The following DENND5B variants were observed in gnomAD, a reference collection of about 807,000 sequenced individuals.
DENND5B encodes DENN domain-containing protein 5B.
Under a neutral mutation model 140.6 loss-of-function variants are expected in DENND5B, and 34 were observed. The ratio of observed to expected loss-of-function variants is 0.24; its 90% CI spans 0.18 to 0.32. The LOEUF is 0.32. Among genes scored for constraint, DENND5B ranks in the 10% least tolerant of loss-of-function variants. The pLI is 1.00. For missense variants in DENND5B, 1,142 were observed against 1,560.2 expected (o/e 0.73, Z 4.52); for synonymous variants, 551 against 562.1 (o/e 0.98, Z 0.28).
intron 7 of DENND5B, among the ~76,000 whole-genome samples, chr12:31,433,821 C>A (rs568808452): frequency 2.3e-4 from 33 of 140,610 alleles, no homozygotes; most frequent in Middle Eastern, 7.0e-3. Flanking sequence ...TAGTTCGAGA[C>A]CAGCCTAGGC....
At position 31,590,972 on chromosome 12, in the gene DENND5B, T is replaced by C. The variant is rs1366363704; in HGVS notation, c.-140A>G. 2.1e-6 allele frequency: 2 copies of C among 939,706 alleles called. No homozygotes were observed. Among genetic ancestry groups the C allele is most frequent in the African/African-American group, 3.6e-5 (2 of 56,174 alleles). The allele number at this position is 939,706 out of a possible 1,614,324, so 58.2% of individuals were successfully genotyped here. A position where few individuals can be genotyped will look rare whatever the true frequency, so the allele number is the denominator to read the frequency against. On this transcript the variant is annotated 5_prime_UTR_variant, in exon 1 of 21. Transcript: ENST00000389082. ...GCGCCCATGGCCGCGCAGCCGCCTCTCGCCGCCGCAGCCTGCCTCCTCGCT... is the reference window on the plus strand; with the variant it reads ...GCGCCCATGGCCGCGCAGCCGCCTCCCGCCGCCGCAGCCTGCCTCCTCGCT...
intron 7 of DENND5B, among the ~76,000 whole-genome samples, chr12:31,440,038 AAAT>A: frequency 6.6e-6 from 1 of 152,070 alleles, no homozygotes; most frequent in Non-Finnish European, 1.5e-5. Context: ...ATAAAAGAAA[AAAT>A]TAATAAACTG....
At chr12:31,471,697 G>C (rs143931063) in intron 3 of DENND5B, among the ~76,000 whole-genome samples, 1 of 151,940 alleles carries the variant, frequency 6.6e-6, no homozygotes, top group Non-Finnish European at 1.5e-5. Context: ...AACTAATTTC[G>C]AGGCAGTATC....
At position 31,430,313 on chromosome 12, in the gene DENND5B, G is replaced by A. The variant is rs548405484; in HGVS notation, c.2106+2842C>T. The stretch of plus-strand genomic sequence containing the variant: ...GCTGGGATTAAAGGTGTAAGCCACT[G>A]CGCCTGGCCCCTGAATACTTTTTAA... On this transcript the variant is annotated intron_variant, in intron 8 of 20. Coordinates refer to ENST00000389082, the MANE Select transcript of DENND5B (RefSeq NM_144973.4). Among the ~76,000 whole-genome samples, 13 of 150,798 alleles carry A rather than the reference G, an allele frequency of 8.6e-5. 1 individual carries two copies. Among genetic ancestry groups the A allele is most frequent in the Admixed American group, 8.0e-4 (12 of 14,982 alleles).
intron 1 of DENND5B, among the ~76,000 whole-genome samples, chr12:31,565,574 G>A (rs914805801): frequency 1.3e-5 from 2 of 152,096 alleles, no homozygotes; most frequent in East Asian, 1.9e-4. Flanking sequence ...TGTGATTTAG[G>A]TTAACATATA....
intron 1 of DENND5B, among the ~76,000 whole-genome samples, chr12:31,511,879 C>T (rs1173342660): frequency 1.4e-5 from 2 of 146,650 alleles, no homozygotes; most frequent in African/African-American, 5.0e-5. Flanking sequence ...TATATATAAA[C>T]TAAAATATAA....
chr12:31,479,488 T>C, intron 3 of DENND5B, 101 bp downstream of exon 3: 1 of 1,145,574 alleles, frequency 8.7e-7, no homozygotes, highest in Non-Finnish European at 1.2e-6. Flanking sequence ...CAGAAAAGAC[T>C]GTGATCATTA....
intron 12 of DENND5B, 93 bp from the exon 13 acceptor site, chr12:31,413,657 GT>G: frequency 7.3e-7 from 1 of 1,368,740 alleles, no homozygotes; most frequent in Non-Finnish European, 9.7e-7. Flanking sequence ...GCACAGAAAG[GT>G]TTATACTTAA....
At chr12:31,450,470 C>T (rs1474400927) in intron 5 of DENND5B, among the ~76,000 whole-genome samples, 1 of 152,138 alleles carries the variant, frequency 6.6e-6, no homozygotes, top group Non-Finnish European at 1.5e-5. Flanking sequence ...AGTGATCTCA[C>T]CTCAGCCTCC....
chr12:31,401,570 C>G (rs1941798274), intron 15 of DENND5B, among the ~76,000 whole-genome samples: 1 of 152,056 alleles, frequency 6.6e-6, no homozygotes, highest in Non-Finnish European at 1.5e-5. Flanking sequence ...AGGCTTAACC[C>G]CATGGAACTA....
At chr12:31,557,582 A>ATGTC (rs969029930) in intron 1 of DENND5B, among the ~76,000 whole-genome samples, 1 of 152,090 alleles carries the variant, frequency 6.6e-6, no homozygotes, top group Non-Finnish European at 1.5e-5. Flanking sequence ...GGGTTTCACC[A>ATGTC]TGTCACCCAG....
intron 10 of DENND5B, among the ~76,000 whole-genome samples, chr12:31,424,196 T>C (rs955885496): frequency 1.3e-5 from 2 of 151,950 alleles, no homozygotes; most frequent in East Asian, 1.9e-4. Context: ...AAGAGACCAT[T>C]TGAATGATTT....
At chr12:31,438,775 C>G (rs1943896758) in intron 7 of DENND5B, among the ~76,000 whole-genome samples, 1 of 151,770 alleles carries the variant, frequency 6.6e-6, no homozygotes. Context: ...AAAGTTTGCT[C>G]AGGGATTTTA....
chr12:31,567,098 C>A (rs1949659443), intron 1 of DENND5B, among the ~76,000 whole-genome samples: 1 of 152,134 alleles, frequency 6.6e-6, no homozygotes, highest in Non-Finnish European at 1.5e-5. Context: ...AAATAATTTT[C>A]TTTTAGAGAG....
intron 6 of DENND5B, among the ~76,000 whole-genome samples, chr12:31,445,277 G>T (rs903014709): frequency 1.3e-5 from 2 of 152,188 alleles, no homozygotes; most frequent in Non-Finnish European, 1.5e-5. Context: ...GGCTTCCTGT[G>T]CCAGAAATCA....
chr12:31,454,397 C>G (rs1002308343), intron 4 of DENND5B, among the ~76,000 whole-genome samples: 2 of 152,146 alleles, frequency 1.3e-5, no homozygotes, highest in African/African-American at 4.8e-5. Context: ...AAATAAAGAG[C>G]TGAAATGTCG....
intron 1 of DENND5B, among the ~76,000 whole-genome samples, chr12:31,515,579 T>C (rs950931909): frequency 6.6e-6 from 1 of 152,186 alleles, no homozygotes; most frequent in Non-Finnish European, 1.5e-5. Context: ...GACTACAGTA[T>C]GTCAATTCCT....
chr12:31,425,218 A>G (rs1424136690), intron 9 of DENND5B, among the ~76,000 whole-genome samples: 1 of 152,236 alleles, frequency 6.6e-6, no homozygotes, highest in Non-Finnish European at 1.5e-5. Context: ...AGGCTGAGGC[A>G]GAAGAATTGC....
chr12:31,413,679 G>A, intron 12 of DENND5B, 115 bp from the exon 13 acceptor site: 2 of 1,130,912 alleles, frequency 1.8e-6, no homozygotes, highest in Non-Finnish European at 1.2e-6. Flanking sequence ...AGGGAGCAAT[G>A]GATAATATAC....
Sources: allele counts gnomAD v4.1 joint callset (sites outside exome capture counted in the v4.1 genomes callset), GRCh38; gene constraint gnomAD v4.1.1; transcripts MANE v1.5; gene names NCBI Gene and HGNC (gene_info 2026-07-23, HGNC 2026-07-21).